Variants in PCDH7 observed in about 807,000 individuals in gnomAD.
PCDH7 encodes protocadherin 7.
In PCDH7, 17 loss-of-function variants were observed where a neutral mutation model predicts 58.9. The observed-to-expected ratio is 0.29, with a 90% CI of 0.20 to 0.43. PCDH7 has a LOEUF of 0.43. Among genes scored for constraint, PCDH7 ranks in the 20% least tolerant of loss-of-function variants. PCDH7 has a pLI of 1.00. For missense variants in PCDH7, 1,274 were observed against 1,441.0 expected, an observed-to-expected ratio of 0.88 and a Z score of 1.88; for synonymous variants, 664 against 616.4, an observed-to-expected ratio of 1.08 and a Z score of -1.14.
chr4:30,741,489 T>C (rs1481022261), intron 1 of PCDH7, among the ~76,000 whole-genome samples: 1 of 152,200 alleles, frequency 6.6e-6, no homozygotes, highest in African/African-American at 2.4e-5. Flanking sequence ...CCACTTCACC[T>C]GGCCAACAAT....
At chr4:30,729,222 C>A (rs1715113808) in intron 1 of PCDH7, among the ~76,000 whole-genome samples, 1 of 151,766 alleles carries the variant, frequency 6.6e-6, no homozygotes, top group Non-Finnish European at 1.5e-5. Context: ...ATCATACTAC[C>A]TTTGGGGGAA....
intron 1 of PCDH7, among the ~76,000 whole-genome samples, chr4:30,854,632 G>T (rs1733220616): frequency 6.6e-6 from 1 of 151,986 alleles, no homozygotes; most frequent in African/African-American, 2.4e-5. Flanking sequence ...TGGGGGATAA[G>T]CAGAAGGAAG....
chr4:30,855,449 T>G (rs1560438803), intron 1 of PCDH7, among the ~76,000 whole-genome samples: 1 of 152,300 alleles, frequency 6.6e-6, no homozygotes, highest in East Asian at 1.9e-4. Context: ...CAGTGGGCAC[T>G]GCTGCTGTTT....
At chr4:30,880,810 C>T (rs1003905257) in intron 1 of PCDH7, among the ~76,000 whole-genome samples, 3 of 152,074 alleles carry the variant, frequency 2.0e-5, no homozygotes, top group Non-Finnish European at 4.4e-5. Context: ...AAACCAAACA[C>T]AGAGAGTATA....
chr4:30,971,646 G>A (rs1268867099), intron 3 of PCDH7, among the ~76,000 whole-genome samples: 1 of 152,172 alleles, frequency 6.6e-6, no homozygotes, highest in Non-Finnish European at 1.5e-5. Context: ...ACTTTGACAA[G>A]GATGCACAGT....
chr4:31,001,686 TA>T (rs1288026836), intron 3 of PCDH7, among the ~76,000 whole-genome samples: 2 of 152,200 alleles, frequency 1.3e-5, no homozygotes, highest in African/African-American at 4.8e-5. Flanking sequence ...ACCTAGTCAT[TA>T]AATCGTGTAG....
At chr4:30,773,539 C>T (rs1005852994) in intron 1 of PCDH7, among the ~76,000 whole-genome samples, 1 of 151,750 alleles carries the variant, frequency 6.6e-6, no homozygotes, top group Non-Finnish European at 1.5e-5. Flanking sequence ...ATGCACTCAG[C>T]TGCAAGAAAT....
intron 3 of PCDH7, among the ~76,000 whole-genome samples, chr4:31,001,391 A>G (rs1752353136): frequency 6.6e-6 from 1 of 152,176 alleles, no homozygotes; most frequent in South Asian, 2.1e-4. Context: ...ATATATACAT[A>G]AATAAGATTA....
chr4:31,125,138 A>C (rs1718149319), intron 3 of PCDH7, among the ~76,000 whole-genome samples: 1 of 152,266 alleles, frequency 6.6e-6, no homozygotes, highest in African/African-American at 2.4e-5. Context: ...CAACACAGTA[A>C]TTTTGTCTAT....
Position 31,076,927 on chromosome 4 carries a change from A to G in PCDH7, c.*8-65546A>G, listed in dbSNP as rs16884333. Among the ~76,000 whole-genome samples, 1,184 of 152,274 alleles carry G rather than the reference A, an allele frequency of 7.8e-3. 12 individuals are homozygous for G. The highest frequency in any genetic ancestry group is 0.024 in the Middle Eastern group (7 of 294). ...TCATGCAATCTTATATTTAGTGATA[A>G]AACACTGGAAGACTTCAAAATTTGA... On this transcript the variant is annotated intron_variant, in intron 3 of 3. Transcript: ENST00000509759.
intron 1 of PCDH7, among the ~76,000 whole-genome samples, chr4:30,758,129 A>G (rs774335355): frequency 3.9e-5 from 6 of 152,198 alleles, no homozygotes; most frequent in Non-Finnish European, 7.3e-5. Flanking sequence ...GCAATTAGCT[A>G]TCAAGAAAGG....
chr4:31,015,670 C>A (rs535892708), intron 3 of PCDH7, among the ~76,000 whole-genome samples: 1 of 152,226 alleles, frequency 6.6e-6, no homozygotes, highest in African/African-American at 2.4e-5. Context: ...TCATTTAACA[C>A]GTTCTTTTCT....
At chr4:31,127,107 T>C (rs865837490) in intron 3 of PCDH7, among the ~76,000 whole-genome samples, 1 of 152,132 alleles carries the variant, frequency 6.6e-6, no homozygotes, top group East Asian at 1.9e-4. Context: ...GAGACTTAAA[T>C]AAAGAGCATG....
At chr4:31,026,489 C>T (rs553020787) in intron 3 of PCDH7, among the ~76,000 whole-genome samples, 5 of 152,174 alleles carry the variant, frequency 3.3e-5, no homozygotes, top group Non-Finnish European at 5.9e-5. Flanking sequence ...ATGGAGCTGA[C>T]AGATGCTATG....
chr4:30,881,344 T>TCAAAACAAAACAAAA (rs530609732), intron 1 of PCDH7, among the ~76,000 whole-genome samples: 1 of 151,824 alleles, frequency 6.6e-6, no homozygotes, highest in South Asian at 2.1e-4. Flanking sequence ...AGACTCCATC[T>TCAAAACAAAACAAAA]CAAAACAAAA....
At chr4:30,929,468 G>A (rs1744289238) in intron 2 of PCDH7, among the ~76,000 whole-genome samples, 1 of 152,016 alleles carries the variant, frequency 6.6e-6, no homozygotes, top group South Asian at 2.1e-4. Flanking sequence ...AAATATAATT[G>A]TAAGTTCGTT....
chr4:31,075,012 G>C (rs548225193), intron 3 of PCDH7, among the ~76,000 whole-genome samples: 143 of 151,950 alleles, frequency 9.4e-4, no homozygotes, highest in African/African-American at 3.4e-3. Context: ...TGCTGAAAAA[G>C]ACTTTGAAAG....
chr4:30,787,784 T>C (rs1723604458), intron 1 of PCDH7, among the ~76,000 whole-genome samples: 1 of 152,104 alleles, frequency 6.6e-6, no homozygotes, highest in African/African-American at 2.4e-5. Context: ...TATGTGTGCG[T>C]GTACAAGTGG....
rs991412000 is a variant in PCDH7, at chr4:30,924,951, G to A, written c.287+4582G>A. Reference sequence around the variant, plus strand: ...GTTTATAACAAGTTAAATGAGGTTCGAAATTTGGCCACTCTAAATCCCTAA... The same window carrying A: ...GTTTATAACAAGTTAAATGAGGTTCAAAATTTGGCCACTCTAAATCCCTAA... On this transcript the variant is annotated intron_variant, in intron 2 of 3. Coordinates refer to the PCDH7 transcript ENST00000509759. 5.3e-5 allele frequency among the ~76,000 whole-genome samples: 8 copies of A among 150,404 alleles called. No individual in the cohort carries two copies. The East Asian group carries it at 7.8e-4, about 15-fold the overall frequency.
Sources: gnomAD v4.1 joint callset for allele counts (sites outside exome capture counted in the v4.1 genomes callset) on GRCh38, gnomAD v4.1.1 for gene constraint, MANE v1.5 for transcripts, NCBI Gene and HGNC (gene_info 2026-07-23, HGNC 2026-07-21) for gene names.